Variants in IFIH1 observed in about 807,000 individuals in gnomAD.
IFIH1 encodes the protein interferon induced with helicase C domain 1.
IFIH1 carries 125 observed loss-of-function variants against 107.4 expected under a neutral mutation model. The ratio of observed to expected loss-of-function variants is 1.16; its 90% CI spans 1.01 to 1.35. The LOEUF (loss-of-function observed/expected upper bound fraction) is 1.35, where lower values mean the gene tolerates loss of function less well. Ranked by LOEUF, IFIH1 falls within the 40% of genes most tolerant of loss-of-function variation. The probability of loss-of-function intolerance (pLI) is 0.00; values close to 1 mark genes in which losing one functional copy is unlikely to be tolerated. For synonymous variants in IFIH1, 458 were observed against 413.2 expected, an observed-to-expected ratio of 1.11 and a Z score of -1.31; for missense variants, 1,333 against 1,213.7, an observed-to-expected ratio of 1.10 and a Z score of -1.46.
At chr2:162,312,607 A>T (rs1030816704) in intron 1 of IFIH1, among the ~76,000 whole-genome samples, 2 of 152,208 alleles carry the variant, frequency 1.3e-5, no homozygotes, top group Non-Finnish European at 2.9e-5. Flanking sequence ...TGAACTCAGT[A>T]AATTTCAAGT....
intron 13 of IFIH1, among the ~76,000 whole-genome samples, chr2:162,269,404 A>T (rs1377673380): frequency 6.6e-6 from 1 of 152,214 alleles, no homozygotes; most frequent in Non-Finnish European, 1.5e-5. Flanking sequence ...AAAGGCCTGG[A>T]TTCCTCATAA....
Position 162,273,945 on chromosome 2 carries a change from C to G in IFIH1, c.2305-1G>C. Reference sequence around the variant, plus strand: ...TACTAATGACTTCTTTTTGTTCATTCTGTAGAAACATTTTAATAAATTAAA... The same window carrying G: ...TACTAATGACTTCTTTTTGTTCATTGTGTAGAAACATTTTAATAAATTAAA... On this transcript the variant is annotated splice_acceptor_variant, in intron 11 of 15. Transcript: ENST00000649979. LOFTEE classifies it high-confidence loss of function. 2 of 1,576,306 alleles carry G rather than the reference C, an allele frequency of 1.3e-6. No individual in the cohort carries two copies. Among genetic ancestry groups the G allele is most frequent in the Non-Finnish European group, 8.7e-7 (1 of 1,152,302 alleles).
At chr2:162,283,733 C>A (rs571887995) in intron 5 of IFIH1, among the ~76,000 whole-genome samples, 39 of 151,848 alleles carry the variant, frequency 2.6e-4, no homozygotes, top group Non-Finnish European at 5.2e-4. Flanking sequence ...ATCCCCCTGG[C>A]TAAAGGGAAC....
At chr2:162,268,536 T>A (rs1442220849) in intron 13 of IFIH1, among the ~76,000 whole-genome samples, 1 of 152,156 alleles carries the variant, frequency 6.6e-6, no homozygotes, top group Admixed American at 6.5e-5. Flanking sequence ...TGTGAGAAAG[T>A]CCTTAGCAAT....
At chr2:162,276,273 C>T (rs1691152881) in intron 11 of IFIH1, among the ~76,000 whole-genome samples, 2 of 152,078 alleles carry the variant, frequency 1.3e-5, no homozygotes, top group African/African-American at 4.8e-5. Flanking sequence ...TAGAAAAAGA[C>T]TAAAAACAAT....
At chr2:162,273,972 T>G in intron 11 of IFIH1, 28 bp from the exon 12 acceptor site, 2 of 1,479,442 alleles carry the variant, frequency 1.4e-6, no homozygotes, top group Non-Finnish European at 1.9e-6. Context: ...TAAATTAAAT[T>G]TTGTGATGCT....
At chr2:162,281,833 T>A (rs1256388519) in intron 6 of IFIH1, among the ~76,000 whole-genome samples, 3 of 152,036 alleles carry the variant, frequency 2.0e-5, no homozygotes, top group Non-Finnish European at 4.4e-5. Flanking sequence ...ATTCACACCC[T>A]GGCTTATTAC....
At chr2:162,315,349 T>A (rs995786032) in intron 1 of IFIH1, among the ~76,000 whole-genome samples, 4 of 152,190 alleles carry the variant, frequency 2.6e-5, no homozygotes, top group African/African-American at 9.7e-5. Flanking sequence ...TACCTAATCC[T>A]AGTTAGGTTC....
intron 5 of IFIH1, among the ~76,000 whole-genome samples, chr2:162,286,842 C>T (rs963916390): frequency 2.0e-5 from 3 of 151,866 alleles, no homozygotes; most frequent in African/African-American, 7.3e-5. Context: ...AGAGTAAAAG[C>T]AGGAGTCATT....
At chr2:162,291,094 C>T (rs986898751) in intron 4 of IFIH1, among the ~76,000 whole-genome samples, 2 of 151,758 alleles carry the variant, frequency 1.3e-5, no homozygotes, top group African/African-American at 4.8e-5. Flanking sequence ...TATGCACAAG[C>T]TTTGAATAAC....
At chr2:162,302,638 A>G (rs1683212667) in intron 3 of IFIH1, among the ~76,000 whole-genome samples, 1 of 152,248 alleles carries the variant, frequency 6.6e-6, no homozygotes, top group African/African-American at 2.4e-5. Flanking sequence ...TTCTGCAACA[A>G]AAACTTCAAT....
chr2:162,317,021 G>A (rs895266535), intron 1 of IFIH1, among the ~76,000 whole-genome samples: 2 of 132,200 alleles, frequency 1.5e-5, no homozygotes, highest in Non-Finnish European at 3.0e-5. Context: ...AAAAGGGTGT[G>A]TGTGTGTGTG....
At chr2:162,314,072 T>C (rs1481223451) in intron 1 of IFIH1, among the ~76,000 whole-genome samples, 1 of 152,164 alleles carries the variant, frequency 6.6e-6, no homozygotes, top group Non-Finnish European at 1.5e-5. Context: ...GCTTGATTAT[T>C]AAGACACTAT....
intron 4 of IFIH1, 23 bp from the exon 5 acceptor site, chr2:162,288,378 A>G (rs747835894): frequency 1.3e-6 from 2 of 1,571,940 alleles, no homozygotes; most frequent in Admixed American, 3.4e-5. Context: ...GAAAAGAAAA[A>G]TAAGAGAAGG....
chr2:162,275,847 A>G (rs1352149976), intron 11 of IFIH1, among the ~76,000 whole-genome samples: 1 of 152,216 alleles, frequency 6.6e-6, no homozygotes, highest in Non-Finnish European at 1.5e-5. Flanking sequence ...AGTAAGCAAC[A>G]TGTAAACAAA....
chr2:162,293,690 A>G (rs770069133), intron 3 of IFIH1, 22 bp from the exon 4 acceptor site: 1 of 1,482,444 alleles, frequency 6.7e-7, no homozygotes, highest in East Asian at 2.3e-5. Context: ...AACATTTTAA[A>G]ATATTTTTAA....
intron 3 of IFIH1, among the ~76,000 whole-genome samples, chr2:162,300,020 T>C (rs1683165332): frequency 1.3e-5 from 2 of 152,208 alleles, no homozygotes; most frequent in Non-Finnish European, 2.9e-5. Flanking sequence ...CTTTCTCTCG[T>C]CAGTCTTCCT....
rs1007619458 is a variant in IFIH1, at chr2:162,310,900, C to T, written c.487G>A (p.Gly163Ser). Residue 163 changes from glycine to serine, a missense_variant, in exon 2 of 16, where the codon GGT (glycine) becomes AGT (serine). By Grantham distance (56) the Gly-to-Ser change is moderately conservative (BLOSUM62 0). Transcript: ENST00000649979. ...AAAENNGNES[G>S]VRELLKRIVQ... ...ATCCTTTTTAGTAGCTCTCTTACAC[C>T]TGATTCATTTCCATTGTTTTCTGCA... The T allele has an allele frequency of 1.9e-6, 3 of 1,613,452 alleles. No homozygotes were observed. The highest frequency in any genetic ancestry group is 2.5e-6 in the Non-Finnish European group (3 of 1,179,610).
chr2:162,308,863 A>G (rs754939126), intron 2 of IFIH1, among the ~76,000 whole-genome samples: 6 of 152,200 alleles, frequency 3.9e-5, no homozygotes, highest in Non-Finnish European at 7.4e-5. Flanking sequence ...AAGTGCCTTA[A>G]CTCACTGAAG....
Sources: allele counts gnomAD v4.1 joint callset (sites outside exome capture counted in the v4.1 genomes callset), GRCh38; gene constraint gnomAD v4.1.1; transcripts MANE v1.5; gene names NCBI Gene and HGNC (gene_info 2026-07-23, HGNC 2026-07-21).